Variants in FBXO36 observed in about 807,000 individuals in gnomAD.
FBXO36 encodes the protein F-box protein 36.
Under a neutral mutation model 17.0 loss-of-function variants are expected in FBXO36, and 18 were observed. The ratio of observed to expected loss-of-function variants is 1.06; its 90% CI spans 0.73 to 1.57. The LOEUF is 1.57. Ranked by LOEUF, FBXO36 falls within the 40% of genes most tolerant of loss-of-function variation. The pLI is 0.00. For missense variants in FBXO36, 229 were observed against 221.9 expected, an observed-to-expected ratio of 1.03 and a Z score of -0.20; for synonymous variants, 83 against 85.3, an observed-to-expected ratio of 0.97 and a Z score of 0.15.
intron 1 of FBXO36, among the ~76,000 whole-genome samples, chr2:229,959,144 C>A (rs1015671574): frequency 1.1e-4 from 17 of 152,002 alleles, no homozygotes; most frequent in Non-Finnish European, 2.5e-4. Flanking sequence ...TCGTAAGTAC[C>A]CATGTTAGAT....
At chr2:230,005,421 A>G (rs1218680287) in intron 3 of FBXO36, among the ~76,000 whole-genome samples, 1 of 151,978 alleles carries the variant, frequency 6.6e-6, no homozygotes. Context: ...ATTTAACCAG[A>G]TTTTTTGTTT....
intron 1 of FBXO36, among the ~76,000 whole-genome samples, chr2:229,962,090 T>G (rs947151065): frequency 6.6e-6 from 1 of 151,642 alleles, no homozygotes; most frequent in Non-Finnish European, 1.5e-5. Flanking sequence ...GGCTGATGCA[T>G]GAGAATCACT....
At chr2:229,934,997 T>G (rs1354741181) in intron 1 of FBXO36, among the ~76,000 whole-genome samples, 1 of 152,208 alleles carries the variant, frequency 6.6e-6, no homozygotes, top group Non-Finnish European at 1.5e-5. Flanking sequence ...TATTCTAACC[T>G]CCTCTTTAGA....
At chr2:229,923,831 C>CT (rs1159156685) in intron 1 of FBXO36, among the ~76,000 whole-genome samples, 126 of 117,620 alleles carry the variant, frequency 1.1e-3, no homozygotes, top group Admixed American at 3.1e-3. Flanking sequence ...CTTTTCTGTA[C>CT]TTTTTTTTTG....
At chr2:229,967,918 T>C (rs111763734) in intron 1 of FBXO36, among the ~76,000 whole-genome samples, 2 of 152,136 alleles carry the variant, frequency 1.3e-5, no homozygotes, top group Non-Finnish European at 2.9e-5. Context: ...GATTCCCTCT[T>C]TTTCTATTGA....
In FBXO36 at chr2:229,991,240, A is replaced by G. The variant is rs144318448; in HGVS notation, c.206-5511A>G. ...CATGAGCTACTGTGCCTGGCCTAAT[A>G]TCTTCTTTGACTCCTTAATTATTCA... On this transcript the variant is annotated intron_variant, in intron 2 of 3. Transcript: ENST00000283946. Among the ~76,000 whole-genome samples, 28 of 152,188 alleles carry G rather than the reference A, an allele frequency of 1.8e-4. No individual in the cohort carries two copies. In the East Asian group the frequency reaches 4.2e-3, roughly 23 times the overall value.
intron 2 of FBXO36, among the ~76,000 whole-genome samples, chr2:229,987,412 A>AT (rs371893015): frequency 1.3e-5 from 2 of 151,306 alleles, no homozygotes; most frequent in Admixed American, 6.6e-5. Context: ...ATTTTCTCTA[A>AT]TTTTTTTCTT....
chr2:229,928,484 A>G (rs73103541), intron 1 of FBXO36, among the ~76,000 whole-genome samples: 21,650 of 152,158 alleles, frequency 0.14, 1,625 homozygotes, highest in Admixed American at 0.2. Context: ...GAAAAGCAAT[A>G]AAGATTTAAA....
chr2:229,954,984 G>A (rs1378609142), intron 1 of FBXO36, among the ~76,000 whole-genome samples: 1 of 151,734 alleles, frequency 6.6e-6, no homozygotes, highest in African/African-American at 2.4e-5. Context: ...CAAGTAGCTG[G>A]GACTACGGAC....
chr2:229,924,609 A>C (rs1452082175), intron 1 of FBXO36, among the ~76,000 whole-genome samples: 1 of 152,080 alleles, frequency 6.6e-6, no homozygotes. Flanking sequence ...TCTCATTTGT[A>C]AGCCTCACCA....
At chr2:229,992,739 C>T (rs975074979) in intron 2 of FBXO36, among the ~76,000 whole-genome samples, 4 of 152,128 alleles carry the variant, frequency 2.6e-5, no homozygotes, top group African/African-American at 9.7e-5. Flanking sequence ...CAAACAGTTC[C>T]AGTGGACCAG....
intron 1 of FBXO36, among the ~76,000 whole-genome samples, chr2:229,973,594 G>A (rs2077192245): frequency 2.6e-5 from 4 of 151,794 alleles, no homozygotes; most frequent in Admixed American, 1.3e-4. Context: ...CGTGGTGGGC[G>A]CCTGTAATCC....
intron 1 of FBXO36, among the ~76,000 whole-genome samples, chr2:229,922,849 G>T (rs1391119047): frequency 2.0e-5 from 3 of 152,172 alleles, no homozygotes; most frequent in East Asian, 3.9e-4. Context: ...CCGCGGTGCC[G>T]CGTGCTCCTT....
chr2:230,008,315 T>A (rs2077397585), intron 3 of FBXO36, among the ~76,000 whole-genome samples: 1 of 152,154 alleles, frequency 6.6e-6, no homozygotes, highest in Non-Finnish European at 1.5e-5. Flanking sequence ...TAAGATTCTC[T>A]TCAACTTGAC....
intron 2 of FBXO36, among the ~76,000 whole-genome samples, chr2:229,984,278 G>A (rs974374092): frequency 1.3e-5 from 2 of 151,928 alleles, no homozygotes; most frequent in South Asian, 2.1e-4. Flanking sequence ...AACCCTGGAG[G>A]TGGAGGTTGC....
At chr2:229,922,721 C>T (rs2076780385) in intron 1 of FBXO36, 112 bp downstream of exon 1, 1 of 1,091,358 alleles carries the variant, frequency 9.2e-7, no homozygotes, top group Non-Finnish European at 1.3e-6. Flanking sequence ...CGGAAGCGCC[C>T]AGTCCCGGCT....
intron 1 of FBXO36, among the ~76,000 whole-genome samples, chr2:229,925,835 T>C (rs995710502): frequency 3.9e-5 from 6 of 152,198 alleles, no homozygotes; most frequent in Admixed American, 3.9e-4. Flanking sequence ...ACTTCTCTTT[T>C]ACTGCTTGAT....
rs549922702 is a variant in FBXO36 at position 229,988,276 on chromosome 2, A to G, written c.206-8475A>G. ...TTTCATATAAATATTTCTAACATCT[A>G]TTATAAACGAAAACTCCTAGAAAGC... On this transcript the variant is annotated intron_variant, in intron 2 of 3. Coordinates refer to ENST00000283946, the MANE Select transcript of FBXO36 (RefSeq NM_174899.5). 7.2e-5 allele frequency among the ~76,000 whole-genome samples: 11 copies of G among 152,314 alleles called. No individual in the cohort carries two copies. The South Asian group carries it at 1.9e-3, about 26-fold the overall frequency.
intron 2 of FBXO36, among the ~76,000 whole-genome samples, chr2:229,989,939 G>C (rs1184658905): frequency 6.6e-6 from 1 of 151,960 alleles, no homozygotes; most frequent in Non-Finnish European, 1.5e-5. Context: ...GCTGAATAGA[G>C]ATGGTGATAG....
Sources: allele counts gnomAD v4.1 joint callset (sites outside exome capture counted in the v4.1 genomes callset), GRCh38; gene constraint gnomAD v4.1.1; transcripts MANE v1.5; gene names NCBI Gene and HGNC (gene_info 2026-07-23, HGNC 2026-07-21).